The following SPTBN4 variants were observed in gnomAD, a reference collection of about 807,000 sequenced individuals.
SPTBN4 encodes the protein spectrin beta, non-erythrocytic 4, also known as spectrin beta chain, non-erythrocytic 4.
In SPTBN4, 96 loss-of-function variants were observed where a neutral mutation model predicts 277.8. The observed-to-expected ratio is 0.35, with a 90% CI of 0.29 to 0.41. The LOEUF is 0.41. Ranked by LOEUF, SPTBN4 falls within the 10% of genes least tolerant of loss-of-function variation. The pLI, the probability that SPTBN4 is intolerant of heterozygous loss-of-function variation, is 1.00. For synonymous variants in SPTBN4, 1,481 were observed against 1,580.3 expected, an observed-to-expected ratio of 0.94 and a Z score of 1.49; for missense variants, 3,006 against 3,595.7, an observed-to-expected ratio of 0.84 and a Z score of 4.19.
chr19:40,541,470 C>A (rs1053460838), intron 20 of SPTBN4, among the ~76,000 whole-genome samples: 5 of 152,216 alleles, frequency 3.3e-5, no homozygotes, highest in African/African-American at 9.7e-5. Context: ...GGGGAAGGGA[C>A]CTGCCAAGGC....
At chr19:40,556,841 T>C (rs531938230) in intron 25 of SPTBN4, among the ~76,000 whole-genome samples, 182 bp from the exon 26 acceptor site, 1 of 152,216 alleles carries the variant, frequency 6.6e-6, no homozygotes, top group African/African-American at 2.4e-5. Context: ...GGCAGGAGAA[T>C]TGCTTGAACT....
chr19:40,519,867 G>T lies in SPTBN4; in HGVS notation c.3370G>T (p.Glu1124Ter). ...GGGGCCCCTGCCCAACAGCCTAGAA[G>T]AGGCGGACGCGCTGCTGGCGCGCCA... is the stretch of plus-strand genomic sequence containing the variant. ...SEGPLPNSLE[E>*]ADALLARHAA... The change falls in exon 16 of 36, where the codon GAG (glutamate) becomes TAG (stop). Residue 1124 changes from glutamate (E) to a stop codon, truncating the protein, a stop_gained. Coordinates refer to ENST00000598249, the MANE Select transcript of SPTBN4 (RefSeq NM_020971.3). LOFTEE classifies it high-confidence loss of function. The surrounding 1 kb of genome is among the most constrained non-coding windows in gnomAD (Gnocchi z 5.7). 8.7e-6 allele frequency: 13 copies of T among 1,495,210 alleles called. No individual in the cohort carries two copies. Among genetic ancestry groups the T allele is most frequent in the Non-Finnish European group, 1.1e-5 (12 of 1,132,834 alleles). 92.6% of individuals were successfully genotyped at this position (1,495,210 alleles called of 1,614,324 possible).
In SPTBN4 at chr19:40,515,500, C is replaced by T. The variant is rs926217883; in HGVS notation, c.2903+52C>T. ...CTCCCATCCTTCCCTTCCACACTCA[C>T]ACAGCCATGGACAGCAAGATGTGCA... On this transcript the variant is annotated intron_variant, in intron 15 of 35. Coordinates refer to ENST00000598249, the MANE Select transcript of SPTBN4 (RefSeq NM_020971.3). The surrounding 1 kb of genome is among the most constrained non-coding windows in gnomAD (Gnocchi z 4.1). The T allele has an allele frequency of 1.3e-6, 2 of 1,515,584 alleles. No homozygotes were observed. Among genetic ancestry groups the T allele is most frequent in the Admixed American group, 2.2e-5 (1 of 46,080 alleles). The allele number at this position is 1,515,584 out of a possible 1,614,324, so 93.9% of individuals were successfully genotyped here.
At chr19:40,535,093 T>C (rs2145902289) in intron 20 of SPTBN4, among the ~76,000 whole-genome samples, 1 of 152,286 alleles carries the variant, frequency 6.6e-6, no homozygotes, top group South Asian at 2.1e-4. Flanking sequence ...ACTCACTCTG[T>C]CGCCCAAGCT....
chr19:40,500,438 C>G (rs747465922), intron 7 of SPTBN4, among the ~76,000 whole-genome samples: 8 of 152,204 alleles, frequency 5.3e-5, no homozygotes, highest in Admixed American at 3.3e-4. Flanking sequence ...TGACATCAAG[C>G]CTTGTGCACA....
chr19:40,546,390 T>C (rs2080860706), intron 20 of SPTBN4, among the ~76,000 whole-genome samples: 1 of 151,144 alleles, frequency 6.6e-6, no homozygotes, highest in Admixed American at 6.6e-5. Flanking sequence ...TGGGCAGTCC[T>C]TTTTTTTTGC....
Position 40,560,161 on chromosome 19 carries a change from A to G in SPTBN4, c.5673A>G (p.Val1891=). Residue 1891 remains valine (V), a splice_region_variant and synonymous_variant, in exon 27 of 36, where the codon GTA becomes GTG. Transcript: ENST00000598249. This position sits in a 1 kb window ranked among gnomAD's most constrained non-coding sequence, Gnocchi z 5.2. ...GCCCGACCTGGCATGCCCTTCAGGT[A>G]CGGCAGCTGCAGGAGGGGGCGGCCC... The part of the protein sequence containing the change: ...EHDLQLLVSQ[V]RQLQEGAAQL... The G allele has an allele frequency of 6.3e-7, 1 of 1,593,962 alleles. No homozygotes were observed. The highest frequency in any genetic ancestry group is 8.5e-7 in the Non-Finnish European group (1 of 1,175,368).
chr19:40,570,896 C>T (rs2081150303), intron 33 of SPTBN4, 168 bp downstream of exon 33: 3 of 655,992 alleles, frequency 4.6e-6, no homozygotes, highest in African/African-American at 2.0e-5. Context: ...ATCAAGAAAG[C>T]CAACCAATGA....
intron 13 of SPTBN4, among the ~76,000 whole-genome samples, chr19:40,509,314 C>T (rs2080365435): frequency 6.6e-6 from 1 of 152,064 alleles, no homozygotes; most frequent in Admixed American, 6.6e-5. Flanking sequence ...GGCGCGATCT[C>T]GGCTCACTGC....
At chr19:40,469,804 C>T (rs368354885) in intron 1 of SPTBN4, among the ~76,000 whole-genome samples, 29 of 150,330 alleles carry the variant, frequency 1.9e-4, no homozygotes, top group Admixed American at 3.3e-4. Flanking sequence ...CCACCATACC[C>T]GGCTAGTTTT....
intron 6 of SPTBN4, among the ~76,000 whole-genome samples, chr19:40,496,309 C>T (rs2080196611): frequency 6.6e-6 from 1 of 152,182 alleles, no homozygotes; most frequent in African/African-American, 2.4e-5. Flanking sequence ...GCCACCACAC[C>T]TGGATAATTG....
intron 15 of SPTBN4, among the ~76,000 whole-genome samples, chr19:40,516,787 G>C (rs1414792425): frequency 6.6e-6 from 1 of 152,124 alleles, no homozygotes; most frequent in Non-Finnish European, 1.5e-5. Context: ...TCACACCACT[G>C]CACTCCAGCC....
At chr19:40,477,871 T>C (rs1331877269) in intron 2 of SPTBN4, among the ~76,000 whole-genome samples, 1 of 151,966 alleles carries the variant, frequency 6.6e-6, no homozygotes, top group Non-Finnish European at 1.5e-5. Flanking sequence ...GGAGTTTCGC[T>C]CTTGTTGTCC....
chr19:40,534,261 T>A lies in SPTBN4; in HGVS notation c.4277T>A (p.Leu1426His). The A allele has an allele frequency of 6.2e-7, 1 of 1,614,100 alleles. No individual in the cohort carries two copies. Among genetic ancestry groups the A allele is most frequent in the South Asian group, 1.1e-5 (1 of 91,076 alleles). Residue 1426 changes from leucine (L) to histidine (H), a missense_variant, in exon 20 of 36, where the codon CTC becomes CAC. Leu to His is a moderately conservative substitution (Grantham distance 99). Coordinates refer to ENST00000598249, the MANE Select transcript of SPTBN4 (RefSeq NM_020971.3). ...AGCTTTGCTGAGCTGGACAAGAAGC[T>A]CCTTCACATGGAGAGCCAGCTGCAA... Reference protein sequence around the residue: ...VQSFAELDKKLLHMESQLQDV... With the variant: ...VQSFAELDKKHLHMESQLQDV...
At chr19:40,467,634 G>GA (rs1052024468) in intron 1 of SPTBN4, among the ~76,000 whole-genome samples, 5 of 151,742 alleles carry the variant, frequency 3.3e-5, no homozygotes, top group African/African-American at 1.2e-4. Flanking sequence ...GGGGGGGGGG[G>GA]GGTGTTGGGG....
intron 27 of SPTBN4, among the ~76,000 whole-genome samples, chr19:40,561,706 C>T (rs2081044066): frequency 6.6e-6 from 1 of 151,704 alleles, no homozygotes; most frequent in Admixed American, 6.6e-5. Flanking sequence ...CCTGTAATCC[C>T]AGCTACTTGG....
intron 26 of SPTBN4, among the ~76,000 whole-genome samples, chr19:40,559,525 C>T (rs1474540733): frequency 6.6e-6 from 1 of 152,112 alleles, no homozygotes; most frequent in Non-Finnish European, 1.5e-5. Context: ...TGGCATGCAC[C>T]TGTAGTTCAG....
At chr19:40,564,910 C>G (rs1410013184) in intron 27 of SPTBN4, among the ~76,000 whole-genome samples, 2 of 151,324 alleles carry the variant, frequency 1.3e-5, no homozygotes, top group African/African-American at 2.4e-5. Context: ...ATTTTAGAAA[C>G]TTGGAAAATT....
chr19:40,509,374 T>C lies in SPTBN4; in HGVS notation c.1816+2988T>C, dbSNP rs149288400. On this transcript the variant is annotated intron_variant, in intron 13 of 35. Transcript: ENST00000598249. ...GATTCTTCTGCCTCAGCCTCCCGAGTAGCTGGGATTATAGGCATGCGCCAC... is the reference window on the plus strand; with the variant it reads ...GATTCTTCTGCCTCAGCCTCCCGAGCAGCTGGGATTATAGGCATGCGCCAC... Among the ~76,000 whole-genome samples, 691 of 152,218 alleles carry C rather than the reference T, an allele frequency of 4.5e-3. 4 individuals carry two copies. Among genetic ancestry groups the C allele is most frequent in the Middle Eastern group, 0.014 (4 of 294 alleles).
Sources: allele counts gnomAD v4.1 joint callset (sites outside exome capture counted in the v4.1 genomes callset), GRCh38; gene constraint gnomAD v4.1.1; non-coding constraint Gnocchi (gnomAD v3.1); transcripts MANE v1.5; gene names NCBI Gene and HGNC (gene_info 2026-07-23, HGNC 2026-07-21).